DDX60: variants seen among roughly 807,000 people sequenced by gnomAD.
DDX60 encodes DExD/H-box helicase 60.
A neutral mutation model predicts 212.8 loss-of-function variants in DDX60; 165 were observed. The ratio of observed to expected loss-of-function variants is 0.78; its 90% CI spans 0.68 to 0.88. DDX60 has a LOEUF of 0.88. Among genes scored for constraint, DDX60 ranks in the 40% least tolerant of loss-of-function variants. The pLI, the probability that DDX60 is intolerant of heterozygous loss-of-function variation, is 0.00. For missense variants in DDX60, 1,905 were observed against 2,003.9 expected, an observed-to-expected ratio of 0.95 and a Z score of 0.94; for synonymous variants, 703 against 685.3, an observed-to-expected ratio of 1.03 and a Z score of -0.40.
Position 168,236,333 on chromosome 4 carries a change from T to C in DDX60, c.4452A>G (p.Val1484=), listed in dbSNP as rs775579223. Residue 1484 remains valine (V), a synonymous_variant, in exon 33 of 38, where the codon GTA becomes GTG. Coordinates refer to ENST00000393743, the MANE Select transcript of DDX60 (RefSeq NM_017631.6). ...TTCCAAAGAGATGTGCCAATACTAATACTAGCTTTTCCATAACGTCTTGAG... is the reference window on the plus strand; with the variant it reads ...TTCCAAAGAGATGTGCCAATACTAACACTAGCTTTTCCATAACGTCTTGAG... The part of the protein sequence containing the change: ...HFSQDVMEKL[V]LVLAHLFGRR... 3.1e-6 allele frequency: 5 copies of C among 1,610,036 alleles called. No individual in the cohort carries two copies. The highest frequency in any genetic ancestry group is 2.2e-5 in the South Asian group (2 of 90,564).
chr4:168,217,159 G>A, intron 37 of DDX60, 127 bp from the exon 38 acceptor site: 2 of 589,962 alleles, frequency 3.4e-6, no homozygotes, highest in South Asian at 2.1e-5. Context: ...CAAAATATGA[G>A]GAATAATGAT....
chr4:168,262,130 T>C lies in DDX60; in HGVS notation c.3145-2A>G. 1.3e-6 allele frequency: 2 copies of C among 1,572,040 alleles called. No homozygotes were observed. The highest frequency in any genetic ancestry group is 1.7e-6 in the Non-Finnish European group (2 of 1,167,912). ...AATGAAGTTTTCTGGGCACAGTTCC[T>C]TGAAAACAAATATTACAAAATTAGG... On this transcript the variant is annotated splice_acceptor_variant, in intron 23 of 37. Coordinates refer to ENST00000393743, the MANE Select transcript of DDX60 (RefSeq NM_017631.6). LOFTEE classifies it high-confidence loss of function.
chr4:168,221,565 T>C lies in DDX60; in HGVS notation c.4976+165A>G, dbSNP rs141094941. Among the ~76,000 whole-genome samples the C allele has an allele frequency of 2.3e-3, 344 of 152,136 alleles. 1 individual carries two copies. Among genetic ancestry groups the C allele is most frequent in the African/African-American group, 7.4e-3 (307 of 41,510 alleles). On this transcript the variant is annotated intron_variant, in intron 36 of 37. Coordinates refer to ENST00000393743, the MANE Select transcript of DDX60 (RefSeq NM_017631.6). The stretch of plus-strand genomic sequence containing the variant: ...AAGAAAAATAATACCGAATTGTTAT[T>C]CTCTCTTGCCATTAGTCTCTAAAAA...
At position 168,237,372 on chromosome 4, in the gene DDX60, A is replaced by T; in HGVS notation, c.4325T>A (p.Leu1442Ter). Residue 1442 changes from leucine to a stop codon, truncating the protein, a stop_gained, in exon 32 of 38, where the codon TTG becomes TAG. Transcript: ENST00000393743. LOFTEE classifies it high-confidence loss of function. ...PMGFAGLVSH[L>*]HYHEPSNLVF... is the part of the protein sequence containing the mutation. Reference sequence around the variant, plus strand: ...AAGATTAGAAGGTTCATGATAATGCAAATGTGATACAAGTCCAGCAAACCC... The same window carrying T: ...AAGATTAGAAGGTTCATGATAATGCTAATGTGATACAAGTCCAGCAAACCC... The T allele has an allele frequency of 6.2e-7, 1 of 1,600,544 alleles. No homozygotes were observed. Among genetic ancestry groups the T allele is most frequent in the Non-Finnish European group, 8.5e-7 (1 of 1,173,776 alleles).
chr4:168,283,458 G>T lies in DDX60; in HGVS notation c.1710C>A (p.Ser570Arg). 4 of 1,611,532 alleles carry T rather than the reference G, an allele frequency of 2.5e-6. No individual in the cohort carries two copies. The highest frequency in any genetic ancestry group is 3.4e-6 in the Non-Finnish European group (4 of 1,179,160). The stretch of plus-strand genomic sequence containing the variant: ...TTATAGAACCTACGTGTGCCTTTTT[G>T]CTCTTGGGCCCACTAAAATCCTTCT... The part of the protein sequence containing the change: ...KSKKDFSGPK[S>R]KKAHETKAEI... Residue 570 changes from serine to arginine, a missense_variant, in exon 13 of 38, where the codon AGC (serine) becomes AGA (arginine). Physicochemically the swap from Ser to Arg is moderately radical, Grantham distance 110 (BLOSUM62 -1). Transcript: ENST00000393743.
At chr4:168,313,886 T>C (rs1737248408) in intron 1 of DDX60, among the ~76,000 whole-genome samples, 1 of 152,218 alleles carries the variant, frequency 6.6e-6, no homozygotes, top group Non-Finnish European at 1.5e-5. Flanking sequence ...GTTTTTATAA[T>C]GAAATATAAC....
chr4:168,325,721 C>T, the DDX60 span, among the ~76,000 whole-genome samples: 1 of 152,184 alleles, frequency 6.6e-6, no homozygotes, highest in Non-Finnish European at 1.5e-5. Flanking sequence ...GAAATTCTTT[C>T]CCCAAATAGT....
intron 30 of DDX60, among the ~76,000 whole-genome samples, chr4:168,238,241 A>G (rs201429938): frequency 0.053 from 7,896 of 148,138 alleles, 408 homozygotes; most frequent in East Asian, 0.14. Flanking sequence ...AATTCCAAAA[A>G]AAAAAAAAAA....
chr4:168,257,308 C>A (rs1734452983), intron 25 of DDX60, among the ~76,000 whole-genome samples: 1 of 151,082 alleles, frequency 6.6e-6, no homozygotes, highest in South Asian at 2.1e-4. Flanking sequence ...AACTCCATCG[C>A]CCTTCAAAAA....
chr4:168,261,110 C>A, intron 24 of DDX60, 121 bp from the exon 25 acceptor site: 3 of 1,024,140 alleles, frequency 2.9e-6, no homozygotes, highest in Non-Finnish European at 4.3e-6. Context: ...TAAAATAGTC[C>A]TATGAAAGTA....
chr4:168,317,480 G>C (rs1024523631), intron 1 of DDX60, among the ~76,000 whole-genome samples: 1 of 152,016 alleles, frequency 6.6e-6, no homozygotes, highest in Non-Finnish European at 1.5e-5. Context: ...GAAAAAAATG[G>C]GGGCAAGGGA....
intron 12 of DDX60, 100 bp from the exon 13 acceptor site, chr4:168,283,706 G>T: frequency 1.3e-6 from 1 of 788,396 alleles, no homozygotes; most frequent in Non-Finnish European, 1.9e-6. Flanking sequence ...TAAATTAGTG[G>T]AAAAGTAATT....
chr4:168,240,777 T>C (rs1405728298), intron 30 of DDX60, among the ~76,000 whole-genome samples: 2 of 152,200 alleles, frequency 1.3e-5, no homozygotes, highest in Admixed American at 1.3e-4. Flanking sequence ...TTACACCTTA[T>C]ACAAAAATTA....
At chr4:168,295,287 G>A (rs6837974) in intron 6 of DDX60, among the ~76,000 whole-genome samples, 7,073 of 152,282 alleles carry the variant, frequency 0.046, 521 homozygotes, top group African/African-American at 0.16. Flanking sequence ...TATGGCTGGA[G>A]AAGGACTTCG....
chr4:168,233,743 A>C (rs1191886730), intron 33 of DDX60, among the ~76,000 whole-genome samples: 5 of 152,140 alleles, frequency 3.3e-5, no homozygotes, highest in Admixed American at 6.6e-5. Flanking sequence ...AAAAGACTAC[A>C]CATTGGGTGC....
At chr4:168,255,508 C>T (rs1036627781) in intron 26 of DDX60, among the ~76,000 whole-genome samples, 1 of 152,136 alleles carries the variant, frequency 6.6e-6, no homozygotes. Flanking sequence ...CTAAATGAGG[C>T]TGATTGATGC....
intron 5 of DDX60, among the ~76,000 whole-genome samples, chr4:168,306,083 C>A (rs929483661): frequency 1.3e-5 from 2 of 152,100 alleles, no homozygotes; most frequent in Admixed American, 1.3e-4. Flanking sequence ...ATTACTGATT[C>A]TAGTATCTAT....
chr4:168,291,898 A>G lies in DDX60; in HGVS notation c.891T>C (p.Ser297=), dbSNP rs1736120094. 1.9e-6 allele frequency: 3 copies of G among 1,606,010 alleles called. No homozygotes were observed. Among genetic ancestry groups the G allele is most frequent in the Non-Finnish European group, 2.5e-6 (3 of 1,177,348 alleles). Residue 297 remains serine (S), a synonymous_variant, in exon 8 of 38, where the codon AGT becomes AGC. Transcript: ENST00000393743. ...GQETEIQQVN[S]NCLTLQEMED... is the part of the protein sequence containing the mutation. Reference sequence around the variant, plus strand: ...CCATCTCCTGCAGGGTTAAGCAATTACTGTTCACCTGAATAAAATAAAGAA... The same window carrying G: ...CCATCTCCTGCAGGGTTAAGCAATTGCTGTTCACCTGAATAAAATAAAGAA...
chr4:168,315,215 G>T (rs1737312473), intron 1 of DDX60, among the ~76,000 whole-genome samples: 1 of 152,126 alleles, frequency 6.6e-6, no homozygotes, highest in South Asian at 2.1e-4. Context: ...GATACGAATT[G>T]ATTAAAATAA....
Sources: allele counts gnomAD v4.1 joint callset (sites outside exome capture counted in the v4.1 genomes callset), GRCh38; gene constraint gnomAD v4.1.1; transcripts MANE v1.5; gene names NCBI Gene and HGNC (gene_info 2026-07-23, HGNC 2026-07-21).